The following SLC6A18 variants were observed in gnomAD, a reference collection of about 807,000 sequenced individuals.
SLC6A18 encodes the protein inactive sodium-dependent neutral amino acid transporter B(0)AT3.
Under a neutral mutation model 62.9 loss-of-function variants are expected in SLC6A18, and 58 were observed. The observed-to-expected ratio is 0.92, with a 90% confidence interval of 0.75 to 1.15. The LOEUF is 1.15. Among genes scored for constraint, SLC6A18 ranks in the 50% most tolerant of loss-of-function variants. The probability of loss-of-function intolerance (pLI) is 0.00; values close to 1 mark genes in which losing one functional copy is unlikely to be tolerated. For missense variants in SLC6A18, 793 were observed against 836.6 expected, an observed-to-expected ratio of 0.95 and a Z score of 0.64; for synonymous variants, 382 against 365.8, an observed-to-expected ratio of 1.04 and a Z score of -0.51.
At chr5:1,242,069 G>A (rs534720011) in intron 7 of SLC6A18, among the ~76,000 whole-genome samples, 5 of 138,202 alleles carry the variant, frequency 3.6e-5, no homozygotes, top group African/African-American at 1.4e-4. Context: ...TGGCAGTGGA[G>A]ACAGAAGGGT....
intron 9 of SLC6A18, 27 bp from the exon 10 acceptor site, chr5:1,244,187 C>CCCCCCCCCCCCTT: frequency 6.5e-7 from 1 of 1,542,120 alleles, no homozygotes; most frequent in Non-Finnish European, 8.9e-7. Flanking sequence ...TCCCCTTACC[C>CCCCCCCCCCCCTT]CCCACACCCC....
chr5:1,230,408 G>A (rs1013029668), intron 1 of SLC6A18, among the ~76,000 whole-genome samples: 24 of 152,162 alleles, frequency 1.6e-4, no homozygotes, highest in African/African-American at 4.1e-4. Flanking sequence ...GAGGCATCTT[G>A]GGGTGTCAGG....
rs372157012 is a variant in SLC6A18 at position 1,243,798 on chromosome 5, C to T, written c.1336+39C>T. 3.3e-4 allele frequency: 510 copies of T among 1,540,780 alleles called. No homozygotes were observed. Among genetic ancestry groups the T allele is most frequent in the Non-Finnish European group, 4.1e-4 (469 of 1,141,706 alleles). On this transcript the variant is annotated intron_variant, in intron 9 of 11. Transcript: ENST00000324642. This position sits in a 1 kb window ranked among gnomAD's most constrained non-coding sequence, Gnocchi z 6.5. ...TCCGCCGCCCTGGAGGACCCGTCCC[C>T]AGCATCTGACTGTCCACTCCCGCCC... is the stretch of plus-strand genomic sequence containing the variant.
chr5:1,240,199 T>C (rs545591191), intron 6 of SLC6A18, among the ~76,000 whole-genome samples: 127 of 152,382 alleles, frequency 8.3e-4, no homozygotes, highest in African/African-American at 2.9e-3. Flanking sequence ...TGTGCGTTTC[T>C]CCTTTGGAGA....
chr5:1,235,398 G>T lies in SLC6A18; in HGVS notation c.440-83G>T, dbSNP rs985028192. The T allele has an allele frequency of 4.2e-6, 6 of 1,419,308 alleles. No individual in the cohort carries two copies. In the African/African-American group the frequency reaches 7.1e-5, roughly 17 times the overall value. 87.9% of individuals were successfully genotyped at this position (1,419,308 alleles called of 1,614,324 possible). ...GCCCAAAAGGGCAGTGTTGTGAGCA[G>T]CCCAGGGAAATTGAGCTCAAGAGCC... is the stretch of plus-strand genomic sequence containing the variant. On this transcript the variant is annotated intron_variant, in intron 3 of 11. Transcript: ENST00000324642.
At chr5:1,244,117 TC>T in intron 9 of SLC6A18, 96 bp from the exon 10 acceptor site, 1 of 1,087,274 alleles carries the variant, frequency 9.2e-7, no homozygotes, top group Non-Finnish European at 1.3e-6. Context: ...CTCCCCGCTG[TC>T]CGAGGGCAGG....
chr5:1,245,376 G>A (rs569736267), intron 11 of SLC6A18, among the ~76,000 whole-genome samples: 10 of 152,252 alleles, frequency 6.6e-5, no homozygotes, highest in South Asian at 4.1e-4. Context: ...ACCCCTTCTC[G>A]GGAATGTGGA....
Position 1,243,430 on chromosome 5 carries a change from C to A in SLC6A18, c.1132-125C>A. On this transcript the variant is annotated intron_variant, in intron 8 of 11. Coordinates refer to ENST00000324642, the MANE Select transcript of SLC6A18 (RefSeq NM_182632.3). The surrounding 1 kb of genome is among the most constrained non-coding windows in gnomAD (Gnocchi z 6.5). Reference sequence around the variant, plus strand: ...CCAGCCCTGAGCCACCTCAGCCCGACACCAGGAGGGGTGATGTGCACTCGT... The same window carrying A: ...CCAGCCCTGAGCCACCTCAGCCCGAAACCAGGAGGGGTGATGTGCACTCGT... 6 of 1,127,750 alleles carry A rather than the reference C, an allele frequency of 5.3e-6. No individual in the cohort carries two copies. The Admixed American group carries it at 1.2e-4, about 22-fold the overall frequency. 69.9% of individuals were successfully genotyped at this position (1,127,750 alleles called of 1,614,324 possible).
At chr5:1,226,879 C>T (rs974298521) in intron 1 of SLC6A18, among the ~76,000 whole-genome samples, 8 of 152,326 alleles carry the variant, frequency 5.3e-5, no homozygotes, top group Non-Finnish European at 1.2e-4. Flanking sequence ...CTGGAAATGC[C>T]GGCCAACGCT....
Position 1,240,546 on chromosome 5 carries a change from G to C in SLC6A18, c.861G>C (p.Lys287Asn). The change falls in exon 7 of 12, where the codon AAG (lysine) becomes AAC (asparagine). Residue 287 changes from lysine (K) to asparagine (N), a missense_variant. Physicochemically the swap from Lys to Asn is moderately conservative, Grantham distance 94. Coordinates refer to ENST00000324642, the MANE Select transcript of SLC6A18 (RefSeq NM_182632.3). ...TTGTGCCCAGGAATGACTGCCAGAA[G>C]GATGCGGTGGTCATCGCCCTGGTCA... ...SYNSPRNDCQKDAVVIALVNR... is the reference protein window; with the variant it reads ...SYNSPRNDCQNDAVVIALVNR... The C allele has an allele frequency of 6.2e-7, 1 of 1,614,174 alleles. No individual in the cohort carries two copies. The highest frequency in any genetic ancestry group is 8.5e-7 in the Non-Finnish European group (1 of 1,180,020).
intron 1 of SLC6A18, among the ~76,000 whole-genome samples, chr5:1,231,670 G>A (rs578026371): frequency 1.3e-5 from 2 of 152,294 alleles, no homozygotes; most frequent in East Asian, 3.9e-4. Flanking sequence ...GACCTCCTCC[G>A]GTGACTGGGG....
At position 1,241,835 on chromosome 5, in the gene SLC6A18, T is replaced by C. The variant is rs1420756245; in HGVS notation, c.975-872T>C. On this transcript the variant is annotated intron_variant, in intron 7 of 11. Coordinates refer to ENST00000324642, the MANE Select transcript of SLC6A18 (RefSeq NM_182632.3). The surrounding 1 kb of genome is among the most constrained non-coding windows in gnomAD (Gnocchi z 7.8). Reference sequence around the variant, plus strand: ...TGACGGGGTTACAAGCACATCTCAATGAGCAGGCGGATAAGGACCAGCCGT... The same window carrying C: ...TGACGGGGTTACAAGCACATCTCAACGAGCAGGCGGATAAGGACCAGCCGT... Among the ~76,000 whole-genome samples the C allele has an allele frequency of 1.3e-5, 2 of 152,198 alleles. No individual in the cohort carries two copies. The highest frequency in any genetic ancestry group is 2.9e-5 in the Non-Finnish European group (2 of 68,032).
Position 1,232,869 on chromosome 5 carries a change from A to T in SLC6A18, c.420A>T (p.Pro140=). 6.2e-7 allele frequency: 1 copy of T among 1,612,394 alleles called. No homozygotes were observed. The highest frequency in any genetic ancestry group is 1.1e-5 in the South Asian group (1 of 90,906). Reference sequence around the variant, plus strand: ...ACCCGCTGCCCTGGAGCTCCTGCCCACCGGACCTCAACAGAACAGGTGAGC... The same window carrying T: ...ACCCGCTGCCCTGGAGCTCCTGCCCTCCGGACCTCAACAGAACAGGTGAGC... ...FQHPLPWSSC[P]PDLNRTGFVE... is the part of the protein sequence containing the mutation. The change falls in exon 3 of 12, where the codon CCA becomes CCT. Residue 140 remains proline (P), a synonymous_variant. Transcript: ENST00000324642.
At chr5:1,235,449 CA>C in intron 3 of SLC6A18, 31 bp from the exon 4 acceptor site, 1 of 1,607,196 alleles carries the variant, frequency 6.2e-7, no homozygotes, top group Non-Finnish European at 8.5e-7. Flanking sequence ...CTACGCCCCA[CA>C]GCCAGCCTGT....
intron 5 of SLC6A18, among the ~76,000 whole-genome samples, chr5:1,238,594 GA>G (rs1323249582): frequency 2.2e-4 from 9 of 41,710 alleles, no homozygotes; most frequent in African/African-American, 7.8e-4. Context: ...GGTTTGGAGT[GA>G]GCCAGGGGCC....
chr5:1,232,785 C>T lies in SLC6A18; in HGVS notation c.336C>T (p.Ser112=). 1 of 1,613,528 alleles carries T rather than the reference C, an allele frequency of 6.2e-7. No homozygotes were observed. The highest frequency in any genetic ancestry group is 8.5e-7 in the Non-Finnish European group (1 of 1,179,996). The stretch of plus-strand genomic sequence containing the variant: ...GTGTCACGCTGTCCTTCCTGATCAG[C>T]CTGTACTACAACACCATCGTGGCGT... ...LGCVTLSFLI[S]LYYNTIVAWV... Residue 112 remains serine (S), a synonymous_variant, in exon 3 of 12, where the codon AGC becomes AGT. Coordinates refer to ENST00000324642, the MANE Select transcript of SLC6A18 (RefSeq NM_182632.3).
intron 3 of SLC6A18, among the ~76,000 whole-genome samples, chr5:1,234,138 C>G (rs13173119): frequency 0.36 from 55,166 of 152,050 alleles, 12,765 homozygotes; most frequent in Non-Finnish European, 0.52. Context: ...CCTGCTTCAG[C>G]CTCCCAAAGC....
intron 10 of SLC6A18, 98 bp from the exon 11 acceptor site, chr5:1,244,510 A>G (rs1297003450): frequency 6.5e-7 from 1 of 1,544,888 alleles, no homozygotes; most frequent in Non-Finnish European, 8.7e-7. Context: ...GAGGCACCAG[A>G]GGGTGCAGGT....
intron 1 of SLC6A18, among the ~76,000 whole-genome samples, chr5:1,226,799 TGCTGCG>T: frequency 6.6e-6 from 1 of 152,246 alleles, no homozygotes; most frequent in South Asian, 2.1e-4. Flanking sequence ...TCGCTGCCTG[TGCTGCG>T]GCTCGATCTG....
Sources: gnomAD v4.1 joint callset for allele counts (sites outside exome capture counted in the v4.1 genomes callset) on GRCh38, gnomAD v4.1.1 for gene constraint, Gnocchi (gnomAD v3.1) non-coding constraint, MANE v1.5 for transcripts, NCBI Gene and HGNC (gene_info 2026-07-23, HGNC 2026-07-21) for gene names.